GRAMD1B: variants seen among roughly 807,000 people sequenced by gnomAD.
GRAMD1B encodes the protein GRAM domain containing 1B.
In GRAMD1B, 37 loss-of-function variants were observed where a neutral mutation model predicts 99.7. The observed-to-expected ratio is 0.37, with a 90% confidence interval of 0.29 to 0.49. The LOEUF is 0.49. GRAMD1B is among the 20% of genes least tolerant of loss of function. The pLI is 0.98. For synonymous variants in GRAMD1B, 427 were observed against 387.6 expected, an observed-to-expected ratio of 1.10 and a Z score of -1.19; for missense variants, 888 against 1,009.2, an observed-to-expected ratio of 0.88 and a Z score of 1.63.
At chr11:123,411,687 C>G (rs1286101013) in intron 1 of GRAMD1B, among the ~76,000 whole-genome samples, 11 of 152,182 alleles carry the variant, frequency 7.2e-5, no homozygotes, top group Middle Eastern at 3.4e-3. Context: ...CAGGGTCTTG[C>G]TCTGTCACAC....
intron 1 of GRAMD1B, among the ~76,000 whole-genome samples, chr11:123,370,337 C>CTTTTTT (rs1163332610): frequency 9.7e-6 from 1 of 102,846 alleles, no homozygotes; most frequent in African/African-American, 4.8e-5. Context: ...GAAGTTATCT[C>CTTTTTT]TTTTTTTTTT....
upstream of GRAMD1B, among the ~76,000 whole-genome samples, chr11:123,426,668 A>G (rs1948663076): frequency 6.6e-6 from 1 of 152,160 alleles, no homozygotes; most frequent in South Asian, 2.1e-4. Context: ...CTGTCTTGCA[A>G]CAACAGTGTT....
intron 2 of GRAMD1B, among the ~76,000 whole-genome samples, chr11:123,490,334 G>T (rs542366173): frequency 1.6e-4 from 24 of 152,268 alleles, no homozygotes; most frequent in Admixed American, 5.2e-4. Flanking sequence ...CAGGCGCTTC[G>T]ATGGCCAGGA....
chr11:123,388,936 T>C (rs924166957), intron 1 of GRAMD1B, among the ~76,000 whole-genome samples: 1 of 152,092 alleles, frequency 6.6e-6, no homozygotes, highest in African/African-American at 2.4e-5. Flanking sequence ...GACCAAGACA[T>C]TCAGTCCGGG....
intron 2 of GRAMD1B, among the ~76,000 whole-genome samples, chr11:123,565,399 A>G (rs1032730658): frequency 3.3e-5 from 5 of 152,312 alleles, no homozygotes; most frequent in African/African-American, 1.2e-4. Context: ...ATTTAATATC[A>G]TGTGGATACA....
chr11:123,371,465 C>A (rs1946526761), intron 1 of GRAMD1B, among the ~76,000 whole-genome samples: 1 of 152,160 alleles, frequency 6.6e-6, no homozygotes, highest in Non-Finnish European at 1.5e-5. Context: ...TTTTATGTCA[C>A]AATGCCTTAC....
In GRAMD1B at chr11:123,386,515, G is replaced by A. The variant is rs577376574; in HGVS notation, c.-176+27716G>A. On this transcript the variant is annotated intron_variant, in intron 1 of 20. Coordinates refer to the GRAMD1B transcript ENST00000638157. ...TGCAATGGCATGATCTTGGCTCACC[G>A]CAACCTCTGTCTCCCAGATTCAAGC... 1.4e-3 allele frequency among the ~76,000 whole-genome samples: 199 copies of A among 146,190 alleles called. 1 individual carries two copies. The highest frequency in any genetic ancestry group is 7.4e-3 in the South Asian group (34 of 4,608).
intron 2 of GRAMD1B, among the ~76,000 whole-genome samples, chr11:123,545,710 A>T (rs1944985302): frequency 6.6e-6 from 1 of 151,870 alleles, no homozygotes; most frequent in Non-Finnish European, 1.5e-5. Flanking sequence ...GAACTGCCTC[A>T]TTGATAAGAG....
intron 1 of GRAMD1B, among the ~76,000 whole-genome samples, chr11:123,417,662 C>A (rs768235725): frequency 1.3e-4 from 20 of 152,086 alleles, no homozygotes; most frequent in Middle Eastern, 3.4e-3. Flanking sequence ...ACAGGCTGGG[C>A]GCAATGGCCC....
rs535930678 is a variant in GRAMD1B at position 123,526,022 on chromosome 11, T to C, written c.452+45129T>C. ...CCCTTTCTCTCTTTCTCTTTCTGTG[T>C]TCAAGTCACATTACATGGGATTCTG... On this transcript the variant is annotated intron_variant, in intron 2 of 19. Transcript: ENST00000635736. The C allele has an allele frequency of 2.4e-5, 19 of 777,938 alleles. No homozygotes were observed. The East Asian group carries it at 4.3e-4, about 17-fold the overall frequency. The allele number at this position is 777,938 out of a possible 1,614,324, so 48.2% of individuals were successfully genotyped here.
intron 1 of GRAMD1B, among the ~76,000 whole-genome samples, chr11:123,374,900 C>A (rs1012692231): frequency 1.3e-5 from 2 of 152,216 alleles, no homozygotes; most frequent in Non-Finnish European, 2.9e-5. Flanking sequence ...TTCAACAAAG[C>A]ATGTTCATTT....
chr11:123,538,562 C>G (rs905539123), intron 2 of GRAMD1B, among the ~76,000 whole-genome samples: 2 of 152,156 alleles, frequency 1.3e-5, no homozygotes, highest in African/African-American at 4.8e-5. Flanking sequence ...CCCCTCGGCC[C>G]AGCTCTAGGC....
At chr11:123,549,991 A>T (rs1440918269) in intron 2 of GRAMD1B, among the ~76,000 whole-genome samples, 1 of 152,162 alleles carries the variant, frequency 6.6e-6, no homozygotes, top group Non-Finnish European at 1.5e-5. Flanking sequence ...GTACACCCAG[A>T]CAGGACCTGG....
chr11:123,589,637 T>TATATATATA (rs1565424189), intron 4 of GRAMD1B, among the ~76,000 whole-genome samples: 3 of 147,374 alleles, frequency 2.0e-5, no homozygotes, highest in Non-Finnish European at 3.0e-5. Flanking sequence ...TATATATATA[T>TATATATATA]TTGTAGTAGA....
chr11:123,497,559 G>A (rs1194126973), intron 2 of GRAMD1B, among the ~76,000 whole-genome samples: 1 of 152,058 alleles, frequency 6.6e-6, no homozygotes, highest in Non-Finnish European at 1.5e-5. Context: ...TTAGAGCCAG[G>A]GATTGAAGTA....
chr11:123,475,272 G>A (rs1453988101), intron 1 of GRAMD1B, among the ~76,000 whole-genome samples: 1 of 152,198 alleles, frequency 6.6e-6, no homozygotes, highest in African/African-American at 2.4e-5. Context: ...TGTGGAGCGT[G>A]CTTTGGCTCA....
rs1953341546 is a variant in GRAMD1B, at chr11:123,610,138, C to CT, written c.1777-54dup. ...GGGCTTGGGGAGGCTGGAGAAGGTG[C>CT]TTTTCCAAGCTTCTTGCTCCTCTTC... On this transcript the variant is annotated intron_variant, in intron 13 of 19. Transcript: ENST00000635736. This position sits in a 1 kb window ranked among gnomAD's most constrained non-coding sequence, Gnocchi z 4.1. 1.3e-5 allele frequency: 20 copies of CT among 1,580,356 alleles called. No homozygotes were observed. Among genetic ancestry groups the CT allele is most frequent in the Non-Finnish European group, 1.6e-5 (19 of 1,153,592 alleles).
chr11:123,622,483 G>T (rs375927991), intron 19 of GRAMD1B, 23 bp from the exon 20 acceptor site: 1 of 1,456,750 alleles, frequency 6.9e-7, no homozygotes. Flanking sequence ...CCCAGGCCTG[G>T]GGTGGGGTTT....
At chr11:123,413,225 G>C (rs569921467) in intron 1 of GRAMD1B, among the ~76,000 whole-genome samples, 156 of 152,198 alleles carry the variant, frequency 1.0e-3, no homozygotes, top group African/African-American at 3.5e-3. Flanking sequence ...CTTATTCAAA[G>C]GTGGATTTCC....
Sources: gnomAD v4.1 joint callset for allele counts (sites outside exome capture counted in the v4.1 genomes callset) on GRCh38, gnomAD v4.1.1 for gene constraint, Gnocchi (gnomAD v3.1) non-coding constraint, MANE v1.5 for transcripts, NCBI Gene and HGNC (gene_info 2026-07-23, HGNC 2026-07-21) for gene names.